Variants in RBFOX1 observed in about 807,000 individuals in gnomAD.
RBFOX1 encodes the protein RNA binding protein fox-1 homolog 1.
A neutral mutation model predicts 57.7 loss-of-function variants in RBFOX1; 8 were observed. The ratio of observed to expected loss-of-function variants is 0.14; its 90% confidence interval spans 0.08 to 0.25. The LOEUF is 0.25. Among genes scored for constraint, RBFOX1 ranks in the 10% least tolerant of loss-of-function variants. The probability of loss-of-function intolerance (pLI) is 1.00; values close to 1 mark genes in which losing one functional copy is unlikely to be tolerated. For missense variants in RBFOX1, 611 were observed against 548.5 expected (o/e 1.11, Z -1.14); for synonymous variants, 326 against 222.4 (o/e 1.47, Z -4.15).
At chr16:5,963,569 A>G (rs1418019646) in intron 4 of RBFOX1, among the ~76,000 whole-genome samples, 1 of 152,236 alleles carries the variant, frequency 6.6e-6, no homozygotes, top group Non-Finnish European at 1.5e-5. Context: ...CACATAGACC[A>G]GTGGAGCTTA....
chr16:6,999,471 G>C (rs1596494213), intron 3 of RBFOX1, among the ~76,000 whole-genome samples: 1 of 150,000 alleles, frequency 6.7e-6, no homozygotes, highest in South Asian at 2.1e-4. Flanking sequence ...GTCTTGCTCT[G>C]TCACCCAGGC....
chr16:6,766,698 C>T (rs1485450048), intron 3 of RBFOX1, among the ~76,000 whole-genome samples: 2 of 152,018 alleles, frequency 1.3e-5, no homozygotes, highest in African/African-American at 4.8e-5. Context: ...TCTTGGACAA[C>T]ACAACTCTAG....
chr16:6,025,100 C>G (rs1046985903), intron 1 of RBFOX1, among the ~76,000 whole-genome samples: 1 of 152,112 alleles, frequency 6.6e-6, no homozygotes, highest in African/African-American at 2.4e-5. Context: ...CAGAGAGATA[C>G]CAGGATATAT....
At position 5,772,272 on chromosome 16, in the gene RBFOX1, G is replaced by T. The variant is rs2054005357; in HGVS notation, c.319-95031G>T. ...AAGAAGAGCATCCACAATACCTTGTGGAAAACAGCCAGACTTACTGGCAGG... is the reference window on the plus strand; with the variant it reads ...AAGAAGAGCATCCACAATACCTTGTTGAAAACAGCCAGACTTACTGGCAGG... On this transcript the variant is annotated intron_variant, in intron 3 of 19. Transcript: ENST00000641259. Among the ~76,000 whole-genome samples, 2 of 152,180 alleles carry T rather than the reference G, an allele frequency of 1.3e-5. 1 individual carries two copies. The highest frequency in any genetic ancestry group is 4.1e-4 in the South Asian group (2 of 4,828).
At chr16:5,395,580 G>C (rs1366041437) in intron 1 of RBFOX1, among the ~76,000 whole-genome samples, 1 of 152,130 alleles carries the variant, frequency 6.6e-6, no homozygotes, top group Non-Finnish European at 1.5e-5. Context: ...GTATGTGGTG[G>C]AGACGTTCAG....
intron 4 of RBFOX1, among the ~76,000 whole-genome samples, chr16:5,875,926 C>G (rs945616868): frequency 6.6e-6 from 1 of 151,570 alleles, no homozygotes; most frequent in African/African-American, 2.4e-5. Flanking sequence ...TCACTGCAAG[C>G]CCCGCCTCCC....
chr16:7,114,489 C>T (rs923159686), intron 4 of RBFOX1, among the ~76,000 whole-genome samples: 2 of 152,152 alleles, frequency 1.3e-5, no homozygotes, highest in African/African-American at 4.8e-5. Flanking sequence ...TTAAGAAGCA[C>T]TCAAGCACTG....
chr16:7,624,833 C>T (rs1190105025), intron 10 of RBFOX1, among the ~76,000 whole-genome samples: 5 of 152,124 alleles, frequency 3.3e-5, no homozygotes, highest in South Asian at 2.1e-4. Context: ...TGAGGTGATA[C>T]GGTTCTGATG....
At chr16:7,152,052 G>C (rs1283192563) in intron 4 of RBFOX1, among the ~76,000 whole-genome samples, 1 of 152,184 alleles carries the variant, frequency 6.6e-6, no homozygotes, top group African/African-American at 2.4e-5. Context: ...CCCTGCTCTA[G>C]AGTATATTGT....
chr16:6,615,654 G>A (rs1430628637), intron 2 of RBFOX1, among the ~76,000 whole-genome samples: 1 of 151,934 alleles, frequency 6.6e-6, no homozygotes, highest in Non-Finnish European at 1.5e-5. Flanking sequence ...TCTTTCACAT[G>A]AAATGTCCAT....
intron 4 of RBFOX1, among the ~76,000 whole-genome samples, chr16:7,231,280 C>T (rs539855876): frequency 7.2e-5 from 11 of 152,256 alleles, no homozygotes; most frequent in African/African-American, 2.6e-4. Context: ...GCTGGTTTGT[C>T]TTGTACCATG....
chr16:5,707,120 C>A (rs143540490), intron 3 of RBFOX1, among the ~76,000 whole-genome samples: 1 of 152,126 alleles, frequency 6.6e-6, no homozygotes, highest in African/African-American at 2.4e-5. Context: ...GGATTTTTCA[C>A]GACTCTCCCA....
At chr16:5,525,687 A>C (rs1304415021) in intron 2 of RBFOX1, among the ~76,000 whole-genome samples, 2 of 151,646 alleles carry the variant, frequency 1.3e-5, no homozygotes, top group Non-Finnish European at 2.9e-5. Context: ...TAGTACAGAC[A>C]GGGTTTCGTC....
chr16:6,739,143 G>A (rs1327306210), intron 3 of RBFOX1, among the ~76,000 whole-genome samples: 1 of 151,424 alleles, frequency 6.6e-6, no homozygotes, highest in Non-Finnish European at 1.5e-5. Context: ...AAAAATTGGA[G>A]CAAAAGTCAA....
chr16:5,904,307 C>T (rs539510859), intron 4 of RBFOX1, among the ~76,000 whole-genome samples: 1 of 152,076 alleles, frequency 6.6e-6, no homozygotes, highest in Admixed American at 6.5e-5. Flanking sequence ...TAAGTCAGGC[C>T]AGCAGAATAC....
At chr16:5,561,229 G>T (rs1019344538) in intron 2 of RBFOX1, among the ~76,000 whole-genome samples, 15 of 152,002 alleles carry the variant, frequency 9.9e-5, no homozygotes, top group African/African-American at 3.4e-4. Flanking sequence ...AATATGAGCA[G>T]ACTCTATTAT....
intron 3 of RBFOX1, among the ~76,000 whole-genome samples, chr16:6,785,018 C>T (rs190514077): frequency 1.3e-4 from 19 of 151,924 alleles, no homozygotes; most frequent in Admixed American, 7.9e-4. Context: ...TGATTTGTTG[C>T]ACTTCTGAGT....
chr16:6,722,457 T>C lies in RBFOX1; in HGVS notation c.-16+67807T>C, dbSNP rs1230684310. Among the ~76,000 whole-genome samples, 6 of 152,180 alleles carry C rather than the reference T, an allele frequency of 3.9e-5. No homozygotes were observed. The East Asian group carries it at 1.2e-3, about 29-fold the overall frequency. On this transcript the variant is annotated intron_variant, in intron 3 of 15. Transcript: ENST00000550418. ...AAACATCTCATTCTCTTCCATCCAC[T>C]CCTTTCTGATGAAAGCGGCATATTC...
intron 1 of RBFOX1, among the ~76,000 whole-genome samples, chr16:5,397,795 T>G (rs549929172): frequency 6.6e-6 from 1 of 152,330 alleles, no homozygotes; most frequent in Admixed American, 6.5e-5. Flanking sequence ...TTGATTTTAT[T>G]AAGGAATTAC....
Sources: allele counts gnomAD v4.1 joint callset (sites outside exome capture counted in the v4.1 genomes callset), GRCh38; gene constraint gnomAD v4.1.1; transcripts MANE v1.5; gene names NCBI Gene and HGNC (gene_info 2026-07-23, HGNC 2026-07-21).